The following VWA8 variants were observed in gnomAD, a reference collection of about 807,000 sequenced individuals.
VWA8 encodes von Willebrand factor A domain containing 8, also known as von Willebrand factor A domain-containing protein 8.
Under a neutral mutation model 241.5 loss-of-function variants are expected in VWA8, and 221 were observed. The ratio of observed to expected loss-of-function variants is 0.91; its 90% confidence interval spans 0.82 to 1.02. The LOEUF (loss-of-function observed/expected upper bound fraction) is 1.02. Among genes scored for constraint, VWA8 ranks in the 50% least tolerant of loss-of-function variants. The pLI is 0.00. For synonymous variants in VWA8, 852 were observed against 827.1 expected, an observed-to-expected ratio of 1.03 and a Z score of -0.52; for missense variants, 2,322 against 2,328.7, an observed-to-expected ratio of 1.00 and a Z score of 0.06.
At chr13:41,699,608 C>T (rs2045236926) in intron 28 of VWA8, among the ~76,000 whole-genome samples, 2 of 152,174 alleles carry the variant, frequency 1.3e-5, no homozygotes, top group Admixed American at 6.5e-5. Context: ...CTTAGTGCTA[C>T]AGTGAAGGTC....
intron 40 of VWA8, among the ~76,000 whole-genome samples, chr13:41,601,418 G>A (rs1334140004): frequency 6.6e-6 from 1 of 151,940 alleles, no homozygotes; most frequent in East Asian, 1.9e-4. Context: ...AAACACCACA[G>A]GGGAAAAAAG....
intron 12 of VWA8, 30 bp from the exon 13 acceptor site, chr13:41,833,561 A>C (rs1871577267): frequency 6.4e-7 from 1 of 1,559,230 alleles, no homozygotes; most frequent in African/African-American, 1.4e-5. Flanking sequence ...CCCAACAAAG[A>C]ACATGACGAA....
chr13:41,729,810 C>A (rs147910830), intron 22 of VWA8, 133 bp from the exon 23 acceptor site: 1 of 422,934 alleles, frequency 2.4e-6, no homozygotes, highest in Non-Finnish European at 3.9e-6. Flanking sequence ...CACACACACA[C>A]ACACACACAC....
intron 9 of VWA8, among the ~76,000 whole-genome samples, chr13:41,878,253 T>A (rs1209822984): frequency 6.6e-6 from 1 of 152,078 alleles, no homozygotes; most frequent in African/African-American, 2.4e-5. Context: ...TTTTATTAAT[T>A]TTTACCTCTT....
intron 3 of VWA8, among the ~76,000 whole-genome samples, chr13:41,908,657 C>A (rs564597092): frequency 6.6e-6 from 1 of 152,198 alleles, no homozygotes; most frequent in Admixed American, 6.5e-5. Context: ...TCAAAAAAAT[C>A]ATGAGATTTG....
chr13:41,896,937 T>A (rs1181788154), intron 4 of VWA8, among the ~76,000 whole-genome samples: 2 of 152,196 alleles, frequency 1.3e-5, no homozygotes, highest in Admixed American at 1.3e-4. Flanking sequence ...TACAATGATG[T>A]GTATTATCCA....
At chr13:41,936,410 T>C (rs1415394680) in intron 2 of VWA8, among the ~76,000 whole-genome samples, 1 of 152,218 alleles carries the variant, frequency 6.6e-6, no homozygotes, top group Non-Finnish European at 1.5e-5. Context: ...TTACATGAGA[T>C]ACTTGTATAT....
intron 18 of VWA8, among the ~76,000 whole-genome samples, chr13:41,784,481 A>G (rs1388995525): frequency 1.3e-5 from 2 of 151,790 alleles, no homozygotes; most frequent in Non-Finnish European, 2.9e-5. Context: ...TGGGTAACAC[A>G]GAGAGACCCT....
intron 21 of VWA8, among the ~76,000 whole-genome samples, chr13:41,750,258 C>A (rs1035396878): frequency 2.6e-5 from 4 of 151,848 alleles, no homozygotes; most frequent in South Asian, 2.1e-4. Context: ...CATGGTGAAA[C>A]CCTGTCTCTA....
At chr13:41,670,872 A>C in intron 37 of VWA8, 74 bp downstream of exon 37, 3 of 1,553,086 alleles carry the variant, frequency 1.9e-6, no homozygotes, top group Non-Finnish European at 1.8e-6. Context: ...AGAAATTTTC[A>C]TGACTGTGGC....
intron 21 of VWA8, among the ~76,000 whole-genome samples, chr13:41,744,135 C>T (rs2045587237): frequency 6.6e-6 from 1 of 152,192 alleles, no homozygotes; most frequent in East Asian, 1.9e-4. Context: ...TAGTAACATT[C>T]ACGCTCCAGA....
At chr13:41,728,457 T>C (rs1305041235) in intron 23 of VWA8, among the ~76,000 whole-genome samples, 1 of 152,088 alleles carries the variant, frequency 6.6e-6, no homozygotes, top group Non-Finnish European at 1.5e-5. Flanking sequence ...TGTAAAATTA[T>C]AATGACTATT....
chr13:41,702,258 G>T (rs2045255004), intron 27 of VWA8, among the ~76,000 whole-genome samples: 1 of 152,132 alleles, frequency 6.6e-6, no homozygotes, highest in Admixed American at 6.5e-5. Context: ...CTAGATATTG[G>T]CATCCATGTC....
chr13:41,756,296 CCTAGAAATAATTA>C (rs2045694662), intron 21 of VWA8, among the ~76,000 whole-genome samples: 2 of 151,668 alleles, frequency 1.3e-5, no homozygotes, highest in South Asian at 2.1e-4. Flanking sequence ...GTAACATACA[CCTAGAAATAATTA>C]CTAATACTTG....
chr13:41,806,521 G>A (rs1036302154), intron 17 of VWA8, among the ~76,000 whole-genome samples: 4 of 151,964 alleles, frequency 2.6e-5, no homozygotes, highest in Non-Finnish European at 4.4e-5. Context: ...GGCCAATATG[G>A]TGAAACCCCA....
chr13:41,592,314 T>C (rs1480797298), intron 40 of VWA8, among the ~76,000 whole-genome samples: 1 of 82,276 alleles, frequency 1.2e-5, no homozygotes, highest in Admixed American at 1.7e-4. Context: ...TGGGGACTGT[T>C]GTGGGGTGGG....
chr13:41,821,661 C>T (rs768252646), intron 14 of VWA8, among the ~76,000 whole-genome samples: 2 of 151,972 alleles, frequency 1.3e-5, no homozygotes, highest in Non-Finnish European at 2.9e-5. Context: ...ACTACAGATA[C>T]GGCTTAATTT....
At chr13:41,952,484 T>A (rs1365369871) in intron 1 of VWA8, among the ~76,000 whole-genome samples, 4 of 152,240 alleles carry the variant, frequency 2.6e-5, no homozygotes, top group Non-Finnish European at 5.9e-5. Context: ...CAGAGTAGTT[T>A]CAAGAATTAT....
At chr13:41,614,011 C>T (rs1316304415) in intron 38 of VWA8, among the ~76,000 whole-genome samples, 12 of 152,218 alleles carry the variant, frequency 7.9e-5, no homozygotes, top group Admixed American at 7.9e-4. Context: ...GAGTAGTCCA[C>T]TGCTGGGAAA....
Sources: gnomAD v4.1 joint callset for allele counts (sites outside exome capture counted in the v4.1 genomes callset) on GRCh38, gnomAD v4.1.1 for gene constraint, MANE v1.5 for transcripts, NCBI Gene and HGNC (gene_info 2026-07-23, HGNC 2026-07-21) for gene names.